PIP4K2B: variants seen among roughly 807,000 people sequenced by gnomAD.
PIP4K2B encodes phosphatidylinositol-5-phosphate 4-kinase type 2 beta.
In PIP4K2B, 3 loss-of-function variants were observed where a neutral mutation model predicts 42.0. The observed-to-expected ratio is 0.07, with a 90% confidence interval of 0.03 to 0.18. The LOEUF (loss-of-function observed/expected upper bound fraction) is 0.18. PIP4K2B is among the 10% of genes least tolerant of loss of function. The pLI is 1.00. For missense variants in PIP4K2B, 332 were observed against 562.3 expected, an observed-to-expected ratio of 0.59 and a Z score of 4.14; for synonymous variants, 204 against 210.1, an observed-to-expected ratio of 0.97 and a Z score of 0.25.
intron 4 of PIP4K2B, among the ~76,000 whole-genome samples, chr17:38,780,082 C>A (rs182088024): frequency 9.5e-4 from 143 of 150,904 alleles, no homozygotes; most frequent in Middle Eastern, 6.8e-3. Context: ...GACAGACACA[C>A]AGATGGTGCC....
chr17:38,791,004 G>A (rs928022885), intron 1 of PIP4K2B, among the ~76,000 whole-genome samples: 1 of 152,098 alleles, frequency 6.6e-6, no homozygotes, highest in Non-Finnish European at 1.5e-5. Flanking sequence ...GTGGGAGGAG[G>A]AGAACACAAG....
chr17:38,779,774 T>C (rs958255751), intron 4 of PIP4K2B: 2 of 489,630 alleles, frequency 4.1e-6, no homozygotes, highest in Admixed American at 3.3e-5. Flanking sequence ...AGAGCCCCTG[T>C]GGGTTCATAT....
At chr17:38,777,447 A>T (rs1054083445) in intron 7 of PIP4K2B, among the ~76,000 whole-genome samples, 2 of 152,182 alleles carry the variant, frequency 1.3e-5, no homozygotes, top group Non-Finnish European at 2.9e-5. Context: ...TGAATTAGTG[A>T]AAAGGGAAAA....
intron 5 of PIP4K2B, 61 bp from the exon 6 acceptor site, chr17:38,778,433 A>G: frequency 6.7e-7 from 1 of 1,488,726 alleles, no homozygotes; most frequent in South Asian, 1.1e-5. Context: ...GCATGAGCAA[A>G]CATGGGAGAG....
chr17:38,770,621 A>T, intron 8 of PIP4K2B, 82 bp from the exon 9 acceptor site: 1 of 798,100 alleles, frequency 1.3e-6, no homozygotes, highest in Non-Finnish European at 2.2e-6. Flanking sequence ...TACAACCCCC[A>T]GACACAAGGC....
rs60479195 is a variant in PIP4K2B at position 38,792,151 on chromosome 17, C to CTTGATTGATTGATTGA, written c.160-5247_160-5232dup. Reference sequence around the variant, plus strand: ...GCTGATCTACTGGAGATGAAAATTCCTTGATTGATTGATTGAGACAGGGTC... The same window carrying CTTGATTGATTGATTGA: ...GCTGATCTACTGGAGATGAAAATTCCTTGATTGATTGATTGATTGATTGATTGATTGAGACAGGGTC... On this transcript the variant is annotated intron_variant, in intron 1 of 9. Coordinates refer to ENST00000619039, the MANE Select transcript of PIP4K2B (RefSeq NM_003559.5). Among the ~76,000 whole-genome samples, 33 of 151,332 alleles carry CTTGATTGATTGATTGA rather than the reference C, an allele frequency of 2.2e-4. 1 individual carries two copies. Among genetic ancestry groups the CTTGATTGATTGATTGA allele is most frequent in the East Asian group, 1.8e-3 (9 of 5,092 alleles).
intron 1 of PIP4K2B, among the ~76,000 whole-genome samples, chr17:38,790,443 T>C (rs754959799): frequency 1.3e-5 from 2 of 152,092 alleles, no homozygotes; most frequent in Non-Finnish European, 2.9e-5. Flanking sequence ...TCCCAACACT[T>C]TGGGAGGCCT....
chr17:38,770,392 G>A (rs1220666767), intron 9 of PIP4K2B, 44 bp downstream of exon 9: 7 of 1,209,322 alleles, frequency 5.8e-6, no homozygotes, highest in Non-Finnish European at 8.6e-6. Flanking sequence ...AAGCACAGAT[G>A]CACCGACCCA....
intron 1 of PIP4K2B, among the ~76,000 whole-genome samples, chr17:38,794,609 T>TAAA (rs34374571): frequency 8.8e-4 from 30 of 34,166 alleles, no homozygotes; most frequent in African/African-American, 1.3e-3. Flanking sequence ...CCCAATTCAT[T>TAAA]AAAAAAAAAA....
intron 1 of PIP4K2B, among the ~76,000 whole-genome samples, chr17:38,797,968 C>T (rs1910744439): frequency 6.6e-6 from 1 of 152,132 alleles, no homozygotes; most frequent in African/African-American, 2.4e-5. Flanking sequence ...CAGTAACCTG[C>T]CCAAGACCAA....
chr17:38,790,195 C>A (rs573711794), intron 1 of PIP4K2B, among the ~76,000 whole-genome samples: 7 of 152,228 alleles, frequency 4.6e-5, no homozygotes, highest in South Asian at 2.1e-4. Flanking sequence ...CCAAAAAAAA[C>A]CCCAGAAGAG....
chr17:38,785,608 G>A (rs1180575357), intron 2 of PIP4K2B, among the ~76,000 whole-genome samples: 2 of 152,200 alleles, frequency 1.3e-5, no homozygotes, highest in Non-Finnish European at 2.9e-5. Flanking sequence ...GAACCCGGGA[G>A]GCAGAGGTTG....
chr17:38,784,573 G>A (rs1189289316), intron 2 of PIP4K2B, among the ~76,000 whole-genome samples: 1 of 152,048 alleles, frequency 6.6e-6, no homozygotes, highest in Non-Finnish European at 1.5e-5. Flanking sequence ...TCAAAGTGTG[G>A]TCCACAGATT....
chr17:38,792,151 C>CTTGA (rs60479195), intron 1 of PIP4K2B, among the ~76,000 whole-genome samples: 2 of 151,208 alleles, frequency 1.3e-5, no homozygotes, highest in Non-Finnish European at 2.9e-5. Flanking sequence ...ATGAAAATTC[C>CTTGA]TTGATTGATT....
chr17:38,775,028 C>A (rs1052028520), intron 7 of PIP4K2B, among the ~76,000 whole-genome samples: 4 of 151,844 alleles, frequency 2.6e-5, no homozygotes, highest in Non-Finnish European at 5.9e-5. Flanking sequence ...CGGCTCCCTG[C>A]AAGCTCCGTC....
At chr17:38,776,825 C>T (rs1421894827) in intron 7 of PIP4K2B, among the ~76,000 whole-genome samples, 2 of 152,186 alleles carry the variant, frequency 1.3e-5, no homozygotes, top group Admixed American at 6.5e-5. Context: ...TAGCACCTGT[C>T]CTCCCCAGAT....
chr17:38,774,762 T>A (rs1383283048), intron 7 of PIP4K2B, among the ~76,000 whole-genome samples: 2 of 151,358 alleles, frequency 1.3e-5, no homozygotes, highest in Non-Finnish European at 2.9e-5. Flanking sequence ...AGAGCAAGAC[T>A]CTGTCTCAAA....
Position 38,799,409 on chromosome 17 carries a change from T to C in PIP4K2B, c.16A>G (p.Thr6Ala), listed in dbSNP as rs1359841722. The C allele has an allele frequency of 6.2e-7, 1 of 1,600,916 alleles. No homozygotes were observed. The highest frequency in any genetic ancestry group is 1.7e-5 in the Admixed American group (1 of 58,730). Residue 6 changes from threonine to alanine, a missense_variant, in exon 1 of 10, where the codon ACC becomes GCC. Physicochemically the swap from Thr to Ala is moderately conservative, Grantham distance 58. Around this residue, in one of 6 missense-constraint regions of PIP4K2B, gnomAD observed 186 missense variants for 288.4 expected, o/e 0.64. Transcript: ENST00000619039. This position sits in a 1 kb window ranked among gnomAD's most constrained non-coding sequence, Gnocchi z 4.4. ...GCCACCGCCACCGCCGTGGTGCTGG[T>C]GCAGTTGGACGACATGCCCGGGGCG... MSSNC[T>A]STTAVAVAPL...
chr17:38,782,554 T>C (rs1402464633), intron 3 of PIP4K2B, among the ~76,000 whole-genome samples: 3 of 152,220 alleles, frequency 2.0e-5, no homozygotes, highest in Non-Finnish European at 4.4e-5. Context: ...AGTTCAGGGT[T>C]CAATCCTAAC....
Sources: gnomAD v4.1 joint callset for allele counts (sites outside exome capture counted in the v4.1 genomes callset) on GRCh38, gnomAD v4.1.1 for gene constraint, gnomAD v4.1.1 regional missense constraint, Gnocchi (gnomAD v3.1) non-coding constraint, MANE v1.5 for transcripts, NCBI Gene and HGNC (gene_info 2026-07-23, HGNC 2026-07-21) for gene names.